Variants in PLA2G5 observed in about 807,000 individuals in gnomAD.
PLA2G5 encodes the protein Ca2+-dependent phospholipase A2.
PLA2G5 carries 12 observed loss-of-function variants against 15.9 expected under a neutral mutation model. That is an observed-to-expected ratio of 0.76 (90% CI 0.48 to 1.23). The LOEUF is 1.23. Ranked by LOEUF, PLA2G5 falls within the 50% of genes most tolerant of loss-of-function variation. The pLI, the probability that PLA2G5 is intolerant of heterozygous loss-of-function variation, is 0.00. For synonymous variants in PLA2G5, 71 were observed against 71.4 expected, an observed-to-expected ratio of 0.99 and a Z score of 0.03; for missense variants, 169 against 177.1, an observed-to-expected ratio of 0.95 and a Z score of 0.26.
At chr1:20,090,499 C>T in intron 4 of PLA2G5, 69 bp from the exon 5 acceptor site, 2 of 1,557,942 alleles carry the variant, frequency 1.3e-6, no homozygotes, top group Non-Finnish European at 1.8e-6. Flanking sequence ...GCAGGAAGTC[C>T]ATGGGGTCTC....
intron 2 of PLA2G5, among the ~76,000 whole-genome samples, chr1:20,085,806 G>A (rs1322395717): frequency 6.6e-6 from 1 of 152,134 alleles, no homozygotes; most frequent in Non-Finnish European, 1.5e-5. Flanking sequence ...CGTTTTCCAG[G>A]GGATGAAACT....
At chr1:20,053,133 A>C (rs1352212342) in intron 1 of PLA2G5, among the ~76,000 whole-genome samples, 1 of 152,198 alleles carries the variant, frequency 6.6e-6, no homozygotes, top group Non-Finnish European at 1.5e-5. Context: ...GTGTGTCATC[A>C]ATCTTGGCAA....
intron 1 of PLA2G5, among the ~76,000 whole-genome samples, chr1:20,081,481 G>T (rs537460551): frequency 1.3e-5 from 2 of 152,042 alleles, no homozygotes; most frequent in Admixed American, 1.3e-4. Flanking sequence ...GTGCCAGGTC[G>T]GCAGGTCAGG....
chr1:20,033,333 C>G (rs1291998593), intron 1 of PLA2G5, among the ~76,000 whole-genome samples: 1 of 152,114 alleles, frequency 6.6e-6, no homozygotes, highest in East Asian at 1.9e-4. Flanking sequence ...CTAAGAGGTC[C>G]AGGCAGGAGT....
intron 1 of PLA2G5, among the ~76,000 whole-genome samples, chr1:20,081,123 G>A (rs1415488792): frequency 1.3e-5 from 2 of 151,710 alleles, no homozygotes; most frequent in African/African-American, 2.4e-5. Flanking sequence ...TGGGCTGTCC[G>A]TCTCTATTCT....
At chr1:20,062,369 G>A (rs1243664548) in intron 2 of PLA2G5, among the ~76,000 whole-genome samples, 3 of 152,294 alleles carry the variant, frequency 2.0e-5, no homozygotes, top group South Asian at 2.1e-4. Flanking sequence ...AAAGATGCAA[G>A]AAACTTCAGT....
At position 20,032,063 on chromosome 1, in the gene PLA2G5, G is replaced by A. The variant is rs191112708; in HGVS notation, n.276+3354G>A. On this transcript the variant is annotated intron_variant and non_coding_transcript_variant, in intron 1 of 6. Coordinates refer to the PLA2G5 transcript ENST00000460175. ...TAGGCTGAGGGGATTTTAGGGCATG[G>A]CTCATAAACCCATGAGGGCCAATGG... 2.3e-3 allele frequency among the ~76,000 whole-genome samples: 353 copies of A among 152,240 alleles called. 1 individual carries two copies. The highest frequency in any genetic ancestry group is 8.3e-3 in the African/African-American group (344 of 41,524).
chr1:20,064,259 A>T (rs183650248), intron 2 of PLA2G5, among the ~76,000 whole-genome samples: 1 of 152,318 alleles, frequency 6.6e-6, no homozygotes, highest in East Asian at 1.9e-4. Flanking sequence ...AAAATTAGAT[A>T]GTTCTTCTTC....
intron 1 of PLA2G5, among the ~76,000 whole-genome samples, chr1:20,059,149 A>G (rs2014580841): frequency 6.8e-6 from 1 of 146,540 alleles, no homozygotes; most frequent in Admixed American, 6.8e-5. Context: ...AAGGGCTCAC[A>G]TGACCGAGTG....
At chr1:20,057,572 C>T (rs906018723) in intron 1 of PLA2G5, among the ~76,000 whole-genome samples, 2 of 152,182 alleles carry the variant, frequency 1.3e-5, no homozygotes, top group African/African-American at 4.8e-5. Flanking sequence ...AATCTTGGCT[C>T]ACTGCAACGT....
intron 1 of PLA2G5, among the ~76,000 whole-genome samples, chr1:20,056,700 G>C (rs2014450180): frequency 6.6e-6 from 1 of 152,106 alleles, no homozygotes; most frequent in Admixed American, 6.6e-5. Context: ...TCTTTGTCTA[G>C]TTTTGGTGTT....
chr1:20,029,669 A>T (rs1426844752), intron 1 of PLA2G5, among the ~76,000 whole-genome samples: 1 of 151,990 alleles, frequency 6.6e-6, no homozygotes, highest in African/African-American at 2.4e-5. Context: ...CTTCCATATC[A>T]TTTAAAGGGA....
intron 1 of PLA2G5, among the ~76,000 whole-genome samples, chr1:20,032,237 T>C (rs909832862): frequency 5.3e-5 from 8 of 152,174 alleles, no homozygotes; most frequent in Admixed American, 2.0e-4. Context: ...CTTCGCTAGC[T>C]ATTGGTTAAC....
chr1:20,042,141 C>T (rs944862083), intron 1 of PLA2G5, among the ~76,000 whole-genome samples: 1 of 152,030 alleles, frequency 6.6e-6, no homozygotes, highest in African/African-American at 2.4e-5. Context: ...AGAGTGAGGG[C>T]CTGAGTTAAG....
chr1:20,065,307 C>T (rs533350070), upstream of PLA2G5, among the ~76,000 whole-genome samples: 70 of 152,246 alleles, frequency 4.6e-4, no homozygotes, highest in African/African-American at 1.5e-3. Context: ...TAAGGTTCAC[C>T]TTTGTGATGT....
chr1:20,032,597 A>G lies in PLA2G5; in HGVS notation n.276+3888A>G, dbSNP rs934037239. On this transcript the variant is annotated intron_variant and non_coding_transcript_variant, in intron 1 of 6. Coordinates refer to the PLA2G5 transcript ENST00000460175. ...CCTTAGTAATATCTTTGAGATTGGC[A>G]GTCATGGCAGGAGAATGTGTATAAG... 4.6e-5 allele frequency among the ~76,000 whole-genome samples: 7 copies of G among 152,276 alleles called. No individual in the cohort carries two copies. The East Asian group carries it at 9.6e-4, about 21-fold the overall frequency.
At chr1:20,065,740 T>G (rs535334337), upstream of PLA2G5, among the ~76,000 whole-genome samples, 16 of 152,336 alleles carry the variant, frequency 1.1e-4, no homozygotes, top group East Asian at 3.1e-3. Flanking sequence ...GCTGTAAACA[T>G]TTGTGTGCAG....
chr1:20,059,421 T>TA (rs553777828), intron 1 of PLA2G5, among the ~76,000 whole-genome samples: 2,049 of 142,630 alleles, frequency 0.014, 50 homozygotes, highest in African/African-American at 0.049. Flanking sequence ...AGGTCCTGTC[T>TA]AAAAAAAAAA....
chr1:20,080,128 G>A (rs1569809922), intron 1 of PLA2G5, among the ~76,000 whole-genome samples: 3 of 152,162 alleles, frequency 2.0e-5, no homozygotes, highest in African/African-American at 7.2e-5. Flanking sequence ...AGGAGCCCAC[G>A]GCTGGGGGAC....
Sources: allele counts gnomAD v4.1 joint callset (sites outside exome capture counted in the v4.1 genomes callset), GRCh38; gene constraint gnomAD v4.1.1; transcripts MANE v1.5; gene names NCBI Gene and HGNC (gene_info 2026-07-23, HGNC 2026-07-21).